PLCH1: variants seen among roughly 807,000 people sequenced by gnomAD.
The protein encoded by PLCH1 is phospholipase C eta 1.
In PLCH1, 60 loss-of-function variants were observed where a neutral mutation model predicts 126.7. The ratio of observed to expected loss-of-function variants is 0.47; its 90% confidence interval spans 0.38 to 0.59. PLCH1 has a LOEUF of 0.59. PLCH1 is among the 20% of genes least tolerant of loss of function. PLCH1 has a pLI of 0.00. For synonymous variants in PLCH1, 719 were observed against 734.9 expected (o/e 0.98, Z 0.35); for missense variants, 1,723 against 2,040.0 (o/e 0.84, Z 2.99).
intron 2 of PLCH1, among the ~76,000 whole-genome samples, chr3:155,632,910 G>GAC (rs148335333): frequency 2.0e-5 from 3 of 151,728 alleles, no homozygotes; most frequent in South Asian, 2.1e-4. Context: ...ATCCCACTTA[G>GAC]ACACACACAC....
At chr3:155,686,163 A>T (rs2109026904) in intron 2 of PLCH1, among the ~76,000 whole-genome samples, 1 of 152,288 alleles carries the variant, frequency 6.6e-6, no homozygotes, top group South Asian at 2.1e-4. Flanking sequence ...GAGAGTGTAC[A>T]AGTACACAAT....
intron 6 of PLCH1, among the ~76,000 whole-genome samples, chr3:155,569,814 T>C (rs984932375): frequency 6.6e-6 from 1 of 152,196 alleles, no homozygotes; most frequent in African/African-American, 2.4e-5. Context: ...TGGACTCAGG[T>C]AGACTACCAG....
rs1261788458 is a variant in PLCH1 at position 155,480,820 on chromosome 3, A to C, written c.*148T>G. 1.5e-6 allele frequency: 1 copy of C among 667,020 alleles called. No homozygotes were observed. Among genetic ancestry groups the C allele is most frequent in the Non-Finnish European group, 2.6e-6 (1 of 388,102 alleles). The allele number at this position is 667,020 out of a possible 1,614,324, so 41.3% of individuals were successfully genotyped here. ...CAAATCTATATACAAACGCATTAAC[A>C]GGGAGAACACATGAAGTCAAAGGGA... is the stretch of plus-strand genomic sequence containing the variant. On this transcript the variant is annotated 3_prime_UTR_variant, in exon 23 of 23. Coordinates refer to ENST00000460012, the MANE Select transcript of PLCH1 (RefSeq NM_014996.4).
chr3:155,483,741 A>C (rs1044956672), intron 22 of PLCH1, among the ~76,000 whole-genome samples: 5 of 152,140 alleles, frequency 3.3e-5, no homozygotes, highest in Non-Finnish European at 7.4e-5. Context: ...ATCCTTCCCT[A>C]AAAGTGGCAG....
intron 2 of PLCH1, among the ~76,000 whole-genome samples, chr3:155,640,710 T>G (rs997366997): frequency 6.6e-6 from 1 of 152,180 alleles, no homozygotes; most frequent in Non-Finnish European, 1.5e-5. Context: ...GTCACCAGCA[T>G]CAGTTAATTA....
At chr3:155,543,100 A>G (rs1724615336) in intron 10 of PLCH1, among the ~76,000 whole-genome samples, 2 of 152,244 alleles carry the variant, frequency 1.3e-5, no homozygotes, top group Non-Finnish European at 2.9e-5. Context: ...AAGCTACAGG[A>G]GGAAATTCAA....
intron 10 of PLCH1, among the ~76,000 whole-genome samples, chr3:155,545,307 C>G (rs1301575711): frequency 1.3e-5 from 2 of 151,060 alleles, no homozygotes; most frequent in East Asian, 1.9e-4. Flanking sequence ...ATAAATTCCT[C>G]GACACATACA....
intron 2 of PLCH1, among the ~76,000 whole-genome samples, chr3:155,636,579 T>C (rs1329475636): frequency 1.3e-5 from 2 of 151,926 alleles, no homozygotes; most frequent in African/African-American, 4.8e-5. Flanking sequence ...AAACCCCGTT[T>C]CTACTAAAAA....
intron 15 of PLCH1, among the ~76,000 whole-genome samples, chr3:155,494,805 T>G (rs1164982306): frequency 6.6e-6 from 1 of 152,162 alleles, no homozygotes; most frequent in Non-Finnish European, 1.5e-5. Context: ...TACCGCTAAT[T>G]TATGCCTATC....
intron 21 of PLCH1, among the ~76,000 whole-genome samples, chr3:155,455,685 A>T (rs1712420026): frequency 1.3e-5 from 2 of 152,246 alleles, no homozygotes; most frequent in Admixed American, 1.3e-4. Context: ...ATAACTGAGT[A>T]AAACAGGCAA....
intron 12 of PLCH1, among the ~76,000 whole-genome samples, chr3:155,512,415 C>G (rs1255465733): frequency 2.0e-5 from 3 of 152,132 alleles, no homozygotes; most frequent in African/African-American, 7.2e-5. Context: ...CAAAAGATTA[C>G]AACACACTGT....
intron 1 of PLCH1, among the ~76,000 whole-genome samples, chr3:155,721,545 T>C (rs954691500): frequency 1.3e-5 from 2 of 152,242 alleles, no homozygotes; most frequent in Non-Finnish European, 2.9e-5. Flanking sequence ...GCTACTGATT[T>C]GTGTACATTA....
At chr3:155,711,154 G>A (rs1305924608) in intron 1 of PLCH1, among the ~76,000 whole-genome samples, 1 of 151,804 alleles carries the variant, frequency 6.6e-6, no homozygotes, top group African/African-American at 2.4e-5. Context: ...AAATCCTAAT[G>A]CAAAAATAAT....
chr3:155,581,026 T>C (rs1339126586), intron 6 of PLCH1, among the ~76,000 whole-genome samples: 1 of 152,240 alleles, frequency 6.6e-6, no homozygotes, highest in Non-Finnish European at 1.5e-5. Context: ...CCCACCCATA[T>C]TTCAATCTCA....
intron 2 of PLCH1, among the ~76,000 whole-genome samples, chr3:155,631,338 G>A (rs1322970269): frequency 9.1e-6 from 1 of 109,654 alleles, no homozygotes; most frequent in African/African-American, 5.5e-5. Context: ...CCAAGTTTAA[G>A]TACACTGTGT....
chr3:155,523,127 A>C (rs898224779), intron 11 of PLCH1, among the ~76,000 whole-genome samples: 1 of 151,750 alleles, frequency 6.6e-6, no homozygotes, highest in Non-Finnish European at 1.5e-5. Flanking sequence ...GGCGCCCACC[A>C]CCACGCCCGG....
intron 5 of PLCH1, among the ~76,000 whole-genome samples, chr3:155,585,665 A>G (rs2108605868): frequency 6.6e-6 from 1 of 152,232 alleles, no homozygotes; most frequent in Non-Finnish European, 1.5e-5. Flanking sequence ...TAAATCCTGA[A>G]CTCCTCAGAA....
chr3:155,598,662 G>A (rs1000769496), intron 2 of PLCH1, among the ~76,000 whole-genome samples: 2 of 152,054 alleles, frequency 1.3e-5, no homozygotes, highest in African/African-American at 4.8e-5. Context: ...TTCCAGCTTG[G>A]GGTAGAATTC....
intron 2 of PLCH1, among the ~76,000 whole-genome samples, chr3:155,627,582 C>T (rs1235003836): frequency 1.3e-5 from 2 of 150,318 alleles, no homozygotes; most frequent in South Asian, 2.1e-4. Flanking sequence ...TGCAGTGAGC[C>T]GAGATTGTGC....
Sources: allele counts gnomAD v4.1 joint callset (sites outside exome capture counted in the v4.1 genomes callset), GRCh38; gene constraint gnomAD v4.1.1; transcripts MANE v1.5; gene names NCBI Gene and HGNC (gene_info 2026-07-23, HGNC 2026-07-21).